Variants in SPEF2 observed in about 807,000 individuals in gnomAD.
SPEF2 encodes the protein sperm flagellar and cilia associated 2.
A neutral mutation model predicts 224.6 loss-of-function variants in SPEF2; 187 were observed. That is an observed-to-expected ratio of 0.83 (90% CI 0.74 to 0.94). The LOEUF (loss-of-function observed/expected upper bound fraction) is 0.94, where lower values mean the gene tolerates loss of function less well. Among genes scored for constraint, SPEF2 ranks in the 40% least tolerant of loss-of-function variants. The pLI is 0.00. For missense variants in SPEF2, 2,170 were observed against 2,135.6 expected (o/e 1.02, Z -0.32); for synonymous variants, 715 against 707.3 (o/e 1.01, Z -0.17).
intron 1 of SPEF2, among the ~76,000 whole-genome samples, chr5:35,626,805 GT>G (rs1744321624): frequency 6.6e-6 from 1 of 152,128 alleles, no homozygotes; most frequent in African/African-American, 2.4e-5. Context: ...AGAAAACTGT[GT>G]TCTGGTATCA....
chr5:35,728,989 A>G (rs1745152124), intron 21 of SPEF2, among the ~76,000 whole-genome samples: 2 of 152,130 alleles, frequency 1.3e-5, no homozygotes, highest in Non-Finnish European at 2.9e-5. Context: ...AATGTGGGGC[A>G]AAAACACCTA....
intron 10 of SPEF2, among the ~76,000 whole-genome samples, chr5:35,689,301 T>C (rs1002852593): frequency 2.6e-5 from 4 of 152,186 alleles, no homozygotes; most frequent in Non-Finnish European, 4.4e-5. Flanking sequence ...ACCTAACATT[T>C]TCTTTTTCTT....
At chr5:35,712,712 CTG>C (rs1741413649) in intron 19 of SPEF2, 98 bp from the exon 20 acceptor site, 1 of 1,150,734 alleles carries the variant, frequency 8.7e-7, no homozygotes, top group Non-Finnish European at 1.3e-6. Flanking sequence ...ACAAATGTAA[CTG>C]TTTACCTATG....
At position 35,814,464 on chromosome 5, in the gene SPEF2, G is replaced by A; in HGVS notation, c.5380G>A (p.Asp1794Asn). The change falls in exon 37 of 37, where the codon GAT becomes AAT. Residue 1794 changes from aspartate (D) to asparagine (N), a missense_variant and splice_region_variant. Transcript: ENST00000356031. The part of the protein sequence containing the change: ...ISNYSDYKFP[D>N]IKIILQRSEH... Reference sequence around the variant, plus strand: ...CTTCTCTTTGAATCTTTTGTCTTAGGATATTAAAATAATTCTCCAAAGGAG... The same window carrying A: ...CTTCTCTTTGAATCTTTTGTCTTAGAATATTAAAATAATTCTCCAAAGGAG... 1 of 1,579,394 alleles carries A rather than the reference G, an allele frequency of 6.3e-7. No homozygotes were observed. The highest frequency in any genetic ancestry group is 8.7e-7 in the Non-Finnish European group (1 of 1,154,466).
chr5:35,711,298 T>C (rs1436218116), intron 19 of SPEF2, among the ~76,000 whole-genome samples: 1 of 151,984 alleles, frequency 6.6e-6, no homozygotes, highest in African/African-American at 2.4e-5. Flanking sequence ...AATTTTGTTA[T>C]TTTGTTAAAA....
rs142928511 is a variant in SPEF2, at chr5:35,779,146, A to G, written c.4247A>G (p.Tyr1416Cys). 3,473 of 1,613,634 alleles carry G rather than the reference A, an allele frequency of 2.2e-3. 5 individuals carry two copies. Among genetic ancestry groups the G allele is most frequent in the Non-Finnish European group, 2.8e-3 (3,276 of 1,179,758 alleles). ...STEKLTDVAR[Y>C]HIETSTKIQN... ...GAAAAATTAACTGACGTAGCTCGCT[A>G]TCACATTGAAACATCTACAAAAATT... Residue 1416 changes from tyrosine (Y) to cysteine (C), a missense_variant, in exon 30 of 37, where the codon TAT (tyrosine) becomes TGT (cysteine). By Grantham distance (194) the Tyr-to-Cys change is radical. Transcript: ENST00000356031.
At chr5:35,656,577 A>G (rs1252869935) in intron 7 of SPEF2, among the ~76,000 whole-genome samples, 2 of 152,200 alleles carry the variant, frequency 1.3e-5, no homozygotes, top group Admixed American at 1.3e-4. Flanking sequence ...ATTTCTATGT[A>G]TGTTCCAAAG....
chr5:35,756,812 C>T (rs551310038), intron 24 of SPEF2, among the ~76,000 whole-genome samples: 4 of 152,254 alleles, frequency 2.6e-5, no homozygotes, highest in Non-Finnish European at 5.9e-5. Flanking sequence ...ACAAGTGTAT[C>T]GACATATTTA....
intron 8 of SPEF2, among the ~76,000 whole-genome samples, chr5:35,666,407 C>G (rs998069681): frequency 1.3e-5 from 2 of 152,130 alleles, no homozygotes; most frequent in African/African-American, 4.8e-5. Context: ...AATAATAATG[C>G]ACTAAGGAGA....
chr5:35,633,818 AG>A (rs1170869381), intron 2 of SPEF2, among the ~76,000 whole-genome samples: 2 of 151,868 alleles, frequency 1.3e-5, no homozygotes, highest in African/African-American at 2.4e-5. Context: ...TCAGTTTCTT[AG>A]TTTTCATGAA....
intron 1 of SPEF2, among the ~76,000 whole-genome samples, chr5:35,620,298 G>A (rs1483303433): frequency 6.6e-6 from 1 of 152,144 alleles, no homozygotes; most frequent in African/African-American, 2.4e-5. Context: ...CAACCTCTGG[G>A]GAAAGTAATC....
chr5:35,801,538 G>A (rs1398422020), intron 34 of SPEF2, among the ~76,000 whole-genome samples: 1 of 151,800 alleles, frequency 6.6e-6, no homozygotes, highest in Non-Finnish European at 1.5e-5. Context: ...TCCCAAATAA[G>A]TGAGGAGTTA....
intron 34 of SPEF2, among the ~76,000 whole-genome samples, chr5:35,805,792 T>G (rs559195521): frequency 3.9e-5 from 6 of 152,288 alleles, no homozygotes; most frequent in African/African-American, 1.4e-4. Flanking sequence ...AAGCAAACTG[T>G]CCTACTGCAT....
intron 24 of SPEF2, 63 bp from the exon 25 acceptor site, chr5:35,759,505 C>A: frequency 3.0e-6 from 4 of 1,337,594 alleles, no homozygotes; most frequent in South Asian, 2.4e-5. Context: ...AGGCTTATAT[C>A]GGAAATATGT....
intron 20 of SPEF2, among the ~76,000 whole-genome samples, chr5:35,717,923 G>A (rs1003656226): frequency 2.0e-5 from 3 of 152,182 alleles, no homozygotes; most frequent in African/African-American, 7.2e-5. Context: ...CTGTTTTGGG[G>A]AAATGGCAGT....
In SPEF2 at chr5:35,691,023, C is replaced by G. The variant is rs191968654; in HGVS notation, c.1525-14C>G. On this transcript the variant is annotated splice_polypyrimidine_tract_variant and intron_variant, in intron 10 of 36. Transcript: ENST00000356031. ...TTCAGAATATTTCTGTTTATTTGAT[C>G]GTTATTTTTACAGAACATGGTTGGA... The G allele has an allele frequency of 2.8e-5, 45 of 1,591,182 alleles. No homozygotes were observed. Among genetic ancestry groups the G allele is most frequent in the Non-Finnish European group, 3.5e-5 (41 of 1,164,942 alleles).
chr5:35,647,593 G>C (rs532183608), intron 5 of SPEF2, among the ~76,000 whole-genome samples: 31 of 152,186 alleles, frequency 2.0e-4, no homozygotes, highest in African/African-American at 7.2e-4. Flanking sequence ...CTCCCGTTAG[G>C]TTCCACCTTC....
At chr5:35,796,142 G>A (rs1261379452) in intron 33 of SPEF2, among the ~76,000 whole-genome samples, 1 of 152,142 alleles carries the variant, frequency 6.6e-6, no homozygotes, top group African/African-American at 2.4e-5. Context: ...GATAAAATTT[G>A]TCATTTTACC....
chr5:35,783,800 A>G (rs904620006), intron 30 of SPEF2, among the ~76,000 whole-genome samples: 2 of 152,204 alleles, frequency 1.3e-5, no homozygotes, highest in Non-Finnish European at 2.9e-5. Flanking sequence ...CAAGTGCCAA[A>G]TACATAAGGA....
Sources: gnomAD v4.1 joint callset for allele counts (sites outside exome capture counted in the v4.1 genomes callset) on GRCh38, gnomAD v4.1.1 for gene constraint, MANE v1.5 for transcripts, NCBI Gene and HGNC (gene_info 2026-07-23, HGNC 2026-07-21) for gene names.